Variants in HOXB3 observed in about 807,000 individuals in gnomAD.
The protein encoded by HOXB3 is homeobox protein Hox-B3.
A neutral mutation model predicts 29.2 loss-of-function variants in HOXB3; 17 were observed. The ratio of observed to expected loss-of-function variants is 0.58; its 90% CI spans 0.40 to 0.87. HOXB3 has a LOEUF of 0.87. HOXB3 is among the 40% of genes least tolerant of loss of function. HOXB3 has a pLI of 0.00. For missense variants in HOXB3, 637 were observed against 616.3 expected (o/e 1.03, Z -0.35); for synonymous variants, 317 against 285.9 (o/e 1.11, Z -1.10).
At chr17:48,579,320 G>C (rs185343094) in intron 1 of HOXB3, 2 of 152,262 alleles carry the variant, frequency 1.3e-5, no homozygotes, top group Non-Finnish European at 2.9e-5. Context: ...TCTAATTGTC[G>C]CCGCCTCCGC....
At chr17:48,569,598 C>T (rs1361127089) in intron 2 of HOXB3, among the ~76,000 whole-genome samples, 1 of 152,160 alleles carries the variant, frequency 6.6e-6, no homozygotes, top group Non-Finnish European at 1.5e-5. Context: ...AGGTTCCCTC[C>T]CCAACTCCAT....
chr17:48,554,680 G>A lies in HOXB3; in HGVS notation c.-159+851C>T. Reference sequence around the variant, plus strand: ...GAGCAAGCGATCAGGACACCAAAACGGTTATCGGAGGCAGGTTCCCAGCAC... The same window carrying A: ...GAGCAAGCGATCAGGACACCAAAACAGTTATCGGAGGCAGGTTCCCAGCAC... On this transcript the variant is annotated intron_variant, in intron 3 of 4. Coordinates refer to ENST00000498678, the MANE Select transcript of HOXB3 (RefSeq NM_001384749.1). The surrounding 1 kb of genome is among the most constrained non-coding windows in gnomAD (Gnocchi z 4.1). 1.4e-6 allele frequency: 1 copy of A among 702,302 alleles called. No homozygotes were observed. The highest frequency in any genetic ancestry group is 1.7e-5 in the African/African-American group (1 of 57,364). The allele number at this position is 702,302 out of a possible 1,614,324, so 43.5% of individuals were successfully genotyped here. A position where few individuals can be genotyped will look rare whatever the true frequency, so the allele number is the denominator to read the frequency against.
At chr17:48,576,704 C>A (rs2069774799) in intron 1 of HOXB3, 1 of 1,297,030 alleles carries the variant, frequency 7.7e-7, no homozygotes, top group Non-Finnish European at 1.0e-6. Context: ...AGGTTCGTGG[C>A]TCCCGCGTGC....
intron 1 of HOXB3, 67 bp downstream of exon 1, chr17:48,590,058 G>A (rs1452268623): frequency 6.6e-6 from 1 of 152,162 alleles, no homozygotes; most frequent in East Asian, 1.9e-4. Context: ...GTGGAAACAA[G>A]TTTTCTTCCC....
chr17:48,555,055 G>A (rs1692203606), intron 3 of HOXB3, among the ~76,000 whole-genome samples: 1 of 151,280 alleles, frequency 6.6e-6, no homozygotes, highest in Non-Finnish European at 1.5e-5. Flanking sequence ...CTGGAGAAGG[G>A]AGATGAGCCC....
intron 2 of HOXB3, among the ~76,000 whole-genome samples, chr17:48,558,766 A>T (rs2069090737): frequency 6.6e-6 from 1 of 151,990 alleles, no homozygotes; most frequent in East Asian, 1.9e-4. Context: ...CTGAGGGAAG[A>T]CTTTGGGGTC....
chr17:48,587,949 G>T (rs867244761), intron 1 of HOXB3, among the ~76,000 whole-genome samples: 1 of 152,236 alleles, frequency 6.6e-6, no homozygotes, highest in African/African-American at 2.4e-5. Context: ...TTGGCCAGAG[G>T]GTACCGGCTT....
chr17:48,576,537 G>T, intron 1 of HOXB3: 1 of 478,022 alleles, frequency 2.1e-6, no homozygotes, highest in Non-Finnish European at 3.6e-6. Flanking sequence ...GCCCTCTATT[G>T]TCATTTCTAT....
At chr17:48,558,692 G>T (rs2069087587) in intron 2 of HOXB3, among the ~76,000 whole-genome samples, 1 of 152,092 alleles carries the variant, frequency 6.6e-6, no homozygotes, top group Non-Finnish European at 1.5e-5. Context: ...TCAAACTTCA[G>T]GGGATAAAGG....
At chr17:48,586,496 G>C (rs1445466725) in intron 1 of HOXB3, among the ~76,000 whole-genome samples, 1 of 152,182 alleles carries the variant, frequency 6.6e-6, no homozygotes, top group Non-Finnish European at 1.5e-5. Context: ...CAGCGGCTCG[G>C]AGCCCCACGT....
rs1201624561 is a variant in HOXB3 at position 48,555,592 on chromosome 17, C to T, written c.-220G>A. 2.8e-6 allele frequency: 2 copies of T among 702,608 alleles called. No individual in the cohort carries two copies. The highest frequency in any genetic ancestry group is 5.2e-6 in the Non-Finnish European group (2 of 384,814). 43.5% of individuals were successfully genotyped at this position (702,608 alleles called of 1,614,324 possible). A position where few individuals can be genotyped will look rare whatever the true frequency, so the allele number is the denominator to read the frequency against. ...TATATATTCACATCGAGCCCCAGAG[C>T]GAGCGGCAGGCGACAAATCTCCCCT... is the stretch of plus-strand genomic sequence containing the variant. On this transcript the variant is annotated 5_prime_UTR_variant, in exon 3 of 5. Transcript: ENST00000498678.
chr17:48,551,102 CCCGCCGCCGCCGCCA>C lies in HOXB3; in HGVS notation c.513_527del (p.Gly174_Gly178del). 7.2e-7 allele frequency: 1 copy of C among 1,382,800 alleles called. No individual in the cohort carries two copies. The highest frequency in any genetic ancestry group is 9.4e-7 in the Non-Finnish European group (1 of 1,065,912). The allele number at this position is 1,382,800 out of a possible 1,614,324, so 85.7% of individuals were successfully genotyped here. On this transcript the variant is annotated inframe_deletion, in exon 5 of 5. Coordinates refer to ENST00000498678, the MANE Select transcript of HOXB3 (RefSeq NM_001384749.1). Reference sequence around the variant, plus strand: ...ACCCCGGGGGGCTCTTGTCCCCTCCCCCGCCGCCGCCGCCACCGCCCCCGCTGCCACCACTGCCTC... The same window carrying C: ...ACCCCGGGGGGCTCTTGTCCCCTCCCCCGCCCCCGCTGCCACCACTGCCTC...
intron 1 of HOXB3, chr17:48,578,064 G>C (rs1376997230): frequency 8.6e-7 from 1 of 1,157,106 alleles, no homozygotes; most frequent in Non-Finnish European, 1.1e-6. Flanking sequence ...AGACCGGGCG[G>C]TGGCGGGGGC....
chr17:48,551,112 C>T lies in HOXB3; in HGVS notation c.518G>A (p.Gly173Asp). 7.4e-7 allele frequency: 1 copy of T among 1,358,930 alleles called. No homozygotes were observed. Among genetic ancestry groups the T allele is most frequent in the Non-Finnish European group, 9.5e-7 (1 of 1,054,448 alleles). 84.2% of individuals were successfully genotyped at this position (1,358,930 alleles called of 1,614,324 possible). A position where few individuals can be genotyped will look rare whatever the true frequency, so the allele number is the denominator to read the frequency against. Reference sequence around the variant, plus strand: ...GCTCTTGTCCCCTCCCCCGCCGCCGCCGCCACCGCCCCCGCTGCCACCACT... The same window carrying T: ...GCTCTTGTCCCCTCCCCCGCCGCCGTCGCCACCGCCCCCGCTGCCACCACT... ...GGSGGSGGGG[G>D]GGGGGDKSPP... is the part of the protein sequence containing the mutation. The change falls in exon 5 of 5, where the codon GGC (glycine) becomes GAC (aspartate). Residue 173 changes from glycine to aspartate, a missense_variant. Gly to Asp is a moderately conservative substitution (Grantham distance 94). Transcript: ENST00000498678.
At chr17:48,562,179 A>G (rs1189119059) in intron 2 of HOXB3, among the ~76,000 whole-genome samples, 4 of 152,318 alleles carry the variant, frequency 2.6e-5, no homozygotes, top group African/African-American at 4.8e-5. Context: ...CAACTTGAGC[A>G]GTAAATAATT....
chr17:48,587,030 G>A (rs1043648452), intron 1 of HOXB3, among the ~76,000 whole-genome samples: 1 of 152,048 alleles, frequency 6.6e-6, no homozygotes, highest in South Asian at 2.1e-4. Flanking sequence ...CCCCCACCCC[G>A]CCAACCATTA....
rs764323967 is a variant in HOXB3, at chr17:48,550,468, C to T, written c.1162G>A (p.Gly388Arg). Residue 388 changes from glycine (G) to arginine (R), a missense_variant, in exon 5 of 5, where the codon GGG becomes AGG. Transcript: ENST00000498678. ...HHPSGNLDYN[G>R]APPMAPSQHH... Reference sequence around the variant, plus strand: ...TGGCTGGGCGCCATAGGGGGCGCCCCGTTGTAGTCCAGGTTCCCGGAAGGG... The same window carrying T: ...TGGCTGGGCGCCATAGGGGGCGCCCTGTTGTAGTCCAGGTTCCCGGAAGGG... 9 of 1,611,072 alleles carry T rather than the reference C, an allele frequency of 5.6e-6. No homozygotes were observed. Among genetic ancestry groups the T allele is most frequent in the Non-Finnish European group, 7.6e-6 (9 of 1,179,282 alleles).
At position 48,555,631 on chromosome 17, in the gene HOXB3, G is replaced by T; in HGVS notation, c.-246-13C>A. 1 of 702,366 alleles carries T rather than the reference G, an allele frequency of 1.4e-6. No individual in the cohort carries two copies. Among genetic ancestry groups the T allele is most frequent in the Non-Finnish European group, 2.6e-6 (1 of 384,688 alleles). The allele number at this position is 702,366 out of a possible 1,614,324, so 43.5% of individuals were successfully genotyped here. The stretch of plus-strand genomic sequence containing the variant: ...CAAATCTCCCCTCCTTGAAGGCAAA[G>T]GAAAAAAAGACCACTGTTTAAAGCT... On this transcript the variant is annotated splice_polypyrimidine_tract_variant and intron_variant, in intron 2 of 4. Transcript: ENST00000498678.
At chr17:48,576,662 AT>A in intron 1 of HOXB3, 31 of 124,634 alleles carry the variant, frequency 2.5e-4, no homozygotes, top group East Asian at 5.6e-4. Flanking sequence ...CCCCCACCCC[AT>A]CCCCTGCACT....
Sources: gnomAD v4.1 joint callset for allele counts (sites outside exome capture counted in the v4.1 genomes callset) on GRCh38, gnomAD v4.1.1 for gene constraint, Gnocchi (gnomAD v3.1) non-coding constraint, MANE v1.5 for transcripts, NCBI Gene and HGNC (gene_info 2026-07-23, HGNC 2026-07-21) for gene names.